The following MPDZ variants were observed in gnomAD, a reference collection of about 807,000 sequenced individuals.
The protein encoded by MPDZ is multiple PDZ domain protein.
Under a neutral mutation model 239.1 loss-of-function variants are expected in MPDZ, and 234 were observed. The ratio of observed to expected loss-of-function variants is 0.98; its 90% confidence interval spans 0.88 to 1.09. The LOEUF (loss-of-function observed/expected upper bound fraction) is 1.09. Ranked by LOEUF, MPDZ falls within the 50% of genes least tolerant of loss-of-function variation. The pLI is 0.00. For synonymous variants in MPDZ, 1,048 were observed against 881.3 expected (o/e 1.19, Z -3.35); for missense variants, 3,175 against 2,510.0 (o/e 1.26, Z -5.66).
At chr9:13,168,637 T>A in intron 21 of MPDZ, 73 bp from the exon 22 acceptor site, 1 of 1,132,310 alleles carries the variant, frequency 8.8e-7, no homozygotes, top group Non-Finnish European at 1.2e-6. Context: ...AATTTAATAA[T>A]TTCTATGATT....
rs1363443192 is a variant in MPDZ, at chr9:13,224,564, G to A, written c.203C>T (p.Ala68Val). The A allele has an allele frequency of 3.1e-6, 5 of 1,610,186 alleles. No homozygotes were observed. The highest frequency in any genetic ancestry group is 3.4e-5 in the Admixed American group (2 of 59,662). Reference protein sequence around the residue: ...LKDQVNIATSATSNIEYAHVP... With the variant: ...LKDQVNIATSVTSNIEYAHVP... ...GTGGGCATATTCAATATTTGAAGTT[G>A]CTGAAGTTGCAATATTTACCTAAGA... Residue 68 changes from alanine (A) to valine (V), a missense_variant, in exon 4 of 47, where the codon GCA becomes GTA. By Grantham distance (64) the Ala-to-Val change is moderately conservative (BLOSUM62 0). Transcript: ENST00000319217.
At chr9:13,111,698 T>C (rs183321834) in intron 43 of MPDZ, among the ~76,000 whole-genome samples, 3 of 152,326 alleles carry the variant, frequency 2.0e-5, no homozygotes, top group Non-Finnish European at 2.9e-5. Flanking sequence ...CAATCAAATA[T>C]ATAAGATAAA....
chr9:13,260,643 C>T (rs1275568135), intron 1 of MPDZ, among the ~76,000 whole-genome samples: 1 of 152,116 alleles, frequency 6.6e-6, no homozygotes, highest in Non-Finnish European at 1.5e-5. Context: ...GGGTGGGGTT[C>T]TGATCCAATA....
intron 1 of MPDZ, among the ~76,000 whole-genome samples, chr9:13,264,848 T>C (rs911163614): frequency 5.2e-4 from 79 of 152,322 alleles, no homozygotes; most frequent in African/African-American, 1.9e-3. Context: ...ATTTAAGTTC[T>C]GAGAATTAAG....
intron 35 of MPDZ, among the ~76,000 whole-genome samples, chr9:13,124,109 AT>A (rs1944771593): frequency 6.6e-6 from 1 of 152,218 alleles, no homozygotes; most frequent in African/African-American, 2.4e-5. Context: ...TTTAGACAAG[AT>A]GTTCTCTTTT....
At chr9:13,272,984 C>T (rs181086406) in intron 1 of MPDZ, among the ~76,000 whole-genome samples, 12 of 152,102 alleles carry the variant, frequency 7.9e-5, no homozygotes, top group African/African-American at 2.9e-4. Flanking sequence ...CTTTGGGAGG[C>T]AATTAGATCA....
intron 3 of MPDZ, among the ~76,000 whole-genome samples, chr9:13,233,122 G>A (rs1023196433): frequency 2.6e-5 from 4 of 152,038 alleles, no homozygotes; most frequent in South Asian, 2.1e-4. Context: ...ACTTATAATC[G>A]CTTTGGAAAA....
chr9:13,210,552 G>A (rs971971938), intron 10 of MPDZ, among the ~76,000 whole-genome samples: 1 of 152,012 alleles, frequency 6.6e-6, no homozygotes, highest in Admixed American at 6.6e-5. Flanking sequence ...CCATCAGGAG[G>A]ATAAGGAAGA....
intron 3 of MPDZ, among the ~76,000 whole-genome samples, chr9:13,227,371 G>C (rs183821990): frequency 1.3e-5 from 2 of 151,906 alleles, no homozygotes; most frequent in East Asian, 3.9e-4. Context: ...CTTATGCCAA[G>C]ATTGATTTTT....
At chr9:13,185,503 A>C (rs1008882969) in intron 18 of MPDZ, among the ~76,000 whole-genome samples, 1 of 152,066 alleles carries the variant, frequency 6.6e-6, no homozygotes, top group Non-Finnish European at 1.5e-5. Context: ...TTTGCCCCAC[A>C]AAAAACGTTG....
chr9:13,253,914 C>G (rs7041374), intron 1 of MPDZ, among the ~76,000 whole-genome samples: 55,681 of 152,038 alleles, frequency 0.37, 11,153 homozygotes, highest in East Asian at 0.55. Context: ...ACACAATCCA[C>G]TCACTTTATA....
At chr9:13,161,426 C>G (rs1371509021) in intron 23 of MPDZ, among the ~76,000 whole-genome samples, 1 of 152,056 alleles carries the variant, frequency 6.6e-6, no homozygotes. Flanking sequence ...AAAAAATTAG[C>G]TGGTCATGGT....
chr9:13,150,868 T>A (rs766430428), intron 24 of MPDZ, among the ~76,000 whole-genome samples, 180 bp from the exon 25 acceptor site: 3 of 151,852 alleles, frequency 2.0e-5, no homozygotes, highest in Non-Finnish European at 2.9e-5. Context: ...ATACTCTCAA[T>A]AGAGTAAAAA....
intron 28 of MPDZ, among the ~76,000 whole-genome samples, chr9:13,138,950 A>C (rs1206525028): frequency 1.3e-5 from 2 of 152,202 alleles, no homozygotes; most frequent in African/African-American, 4.8e-5. Flanking sequence ...ATGCCATTAC[A>C]TTTTGGGGTG....
At chr9:13,143,665 GAAA>G (rs1948049002) in intron 26 of MPDZ, 101 bp from the exon 27 acceptor site, 7 of 874,404 alleles carry the variant, frequency 8.0e-6, no homozygotes, top group Admixed American at 7.2e-5. Context: ...CTGCCTGTGT[GAAA>G]CTAGATCCTA....
intron 10 of MPDZ, among the ~76,000 whole-genome samples, chr9:13,209,852 T>C (rs1957410116): frequency 6.6e-6 from 1 of 151,916 alleles, no homozygotes. Context: ...AATTTTCCCA[T>C]AGCTCAGAGG....
chr9:13,179,446 T>C (rs1445087264), intron 19 of MPDZ, among the ~76,000 whole-genome samples: 2 of 152,132 alleles, frequency 1.3e-5, no homozygotes, highest in African/African-American at 4.8e-5. Flanking sequence ...AACAGTCCCA[T>C]GCATTATTCA....
rs1156725186 is a variant in MPDZ, at chr9:13,113,995, G to A, written c.5493C>T (p.Phe1831=). Residue 1831 remains phenylalanine (F), a synonymous_variant, in exon 41 of 47, where the codon TTC becomes TTT. Coordinates refer to ENST00000319217, the MANE Select transcript of MPDZ (RefSeq NM_001378778.1). The part of the protein sequence containing the change: ...SQVSEGSLSS[F]TFPLSGSSTS... ...TACTGGATCCAGAGAGTGGAAAAGT[G>A]AAAGATGACAGGCTGCCTTCACTCA... The A allele has an allele frequency of 2.5e-6, 4 of 1,597,230 alleles. No individual in the cohort carries two copies. The highest frequency in any genetic ancestry group is 1.7e-6 in the Non-Finnish European group (2 of 1,171,246).
intron 10 of MPDZ, among the ~76,000 whole-genome samples, chr9:13,212,129 T>C (rs905586399): frequency 6.6e-6 from 1 of 152,102 alleles, no homozygotes; most frequent in African/African-American, 2.4e-5. Context: ...AAAAATCTAA[T>C]GTGTATGATT....
Sources: gnomAD v4.1 joint callset for allele counts (sites outside exome capture counted in the v4.1 genomes callset) on GRCh38, gnomAD v4.1.1 for gene constraint, MANE v1.5 for transcripts, NCBI Gene and HGNC (gene_info 2026-07-23, HGNC 2026-07-21) for gene names.